The following HACD4 variants were observed in gnomAD, a reference collection of about 807,000 sequenced individuals.
HACD4 encodes 3-hydroxyacyl-CoA dehydratase 4.
In HACD4, 35 loss-of-function variants were observed where a neutral mutation model predicts 33.3. That is an observed-to-expected ratio of 1.05 (90% CI 0.80 to 1.39). The LOEUF (loss-of-function observed/expected upper bound fraction) is 1.39. Ranked by LOEUF, HACD4 falls within the 40% of genes most tolerant of loss-of-function variation. The pLI is 0.00. For missense variants in HACD4, 323 were observed against 276.5 expected (o/e 1.17, Z -1.19); for synonymous variants, 118 against 98.0 (o/e 1.20, Z -1.21).
chr9:21,022,300 C>G (rs1274809657), intron 3 of HACD4, among the ~76,000 whole-genome samples: 1 of 152,196 alleles, frequency 6.6e-6, no homozygotes, highest in Non-Finnish European at 1.5e-5. Flanking sequence ...CAATACCACT[C>G]AGGACATAGG....
In HACD4 at chr9:21,001,087, C is replaced by G. The variant is rs1842160230; in HGVS notation, c.*5950G>C. ...AAAGTATGTCCCTTTCAAATGAAAA[C>G]AAAAACAAAAACTATCTCTGAAAAA... On this transcript the variant is annotated 3_prime_UTR_variant, in exon 7 of 7. Coordinates refer to ENST00000495827, the MANE Select transcript of HACD4 (RefSeq NM_001010915.5). 6.6e-6 allele frequency: 1 copy of G among 151,756 alleles called. No homozygotes were observed. Among genetic ancestry groups the G allele is most frequent in the Non-Finnish European group, 1.5e-5 (1 of 67,872 alleles). 9.4% of individuals were successfully genotyped at this position (151,756 alleles called of 1,614,324 possible). A position where few individuals can be genotyped will look rare whatever the true frequency, so the allele number is the denominator to read the frequency against.
chr9:21,015,192 T>G (rs1842527671), intron 4 of HACD4: 1 of 152,158 alleles, frequency 6.6e-6, no homozygotes, highest in Non-Finnish European at 1.5e-5. Context: ...AATGAAAAAA[T>G]TTACATACCC....
chr9:21,024,042 T>C (rs1465876610), intron 3 of HACD4, among the ~76,000 whole-genome samples: 4 of 152,258 alleles, frequency 2.6e-5, no homozygotes, highest in Non-Finnish European at 5.9e-5. Flanking sequence ...TTTTGTTTCA[T>C]TATTTTAAAG....
rs1055958147 is a variant in HACD4, at chr9:21,005,620, T to C, written c.*1417A>G. The C allele has an allele frequency of 6.6e-6, 1 of 152,216 alleles. No individual in the cohort carries two copies. Among genetic ancestry groups the C allele is most frequent in the Admixed American group, 6.5e-5 (1 of 15,278 alleles). The allele number at this position is 152,216 out of a possible 1,614,324, so 9.4% of individuals were successfully genotyped here. A position where few individuals can be genotyped will look rare whatever the true frequency, so the allele number is the denominator to read the frequency against. ...GGAACAATGATTCAGAGAACATCAG[T>C]GGTACCTTCTCAGTTTCAAAAGGGG... On this transcript the variant is annotated 3_prime_UTR_variant, in exon 7 of 7. Transcript: ENST00000495827. This position sits in a 1 kb window ranked among gnomAD's most constrained non-coding sequence, Gnocchi z 4.0.
intron 1 of HACD4, among the ~76,000 whole-genome samples, chr9:21,030,318 C>T (rs1028685869): frequency 6.6e-6 from 1 of 150,678 alleles, no homozygotes; most frequent in African/African-American, 2.4e-5. Flanking sequence ...CCTGTAATCC[C>T]AGCTACCTAG....
At chr9:21,029,866 C>T (rs1023126368) in intron 1 of HACD4, among the ~76,000 whole-genome samples, 2 of 152,116 alleles carry the variant, frequency 1.3e-5, no homozygotes, top group African/African-American at 4.8e-5. Context: ...CCTGATGCCG[C>T]GGCCCAGCAT....
intron 4 of HACD4, 95 bp downstream of exon 4, chr9:21,015,803 T>C (rs958109737): frequency 6.0e-6 from 4 of 663,170 alleles, no homozygotes; most frequent in Non-Finnish European, 1.1e-5. Flanking sequence ...TATGTTTTCC[T>C]CTCTCGTACC....
chr9:21,021,669 A>C lies in HACD4; in HGVS notation c.270+4927T>G, dbSNP rs941723224. ...ATAAAATACCTAGGAATCCAACTTA[A>C]AAGGGATGTGAAGGACCTCTTCAAG... is the stretch of plus-strand genomic sequence containing the variant. On this transcript the variant is annotated intron_variant, in intron 3 of 6. Transcript: ENST00000495827. 7.1e-3 allele frequency among the ~76,000 whole-genome samples: 1,076 copies of C among 151,930 alleles called. 19 individuals carry two copies. The highest frequency in any genetic ancestry group is 0.024 in the African/African-American group (1,007 of 41,402).
chr9:21,008,257 G>A (rs1842320544), intron 5 of HACD4, 111 bp from the exon 6 acceptor site: 2 of 959,582 alleles, frequency 2.1e-6, no homozygotes, highest in African/African-American at 1.7e-5. Flanking sequence ...TGACAGTTTT[G>A]TAATAGTTGC....
chr9:21,007,117 T>C lies in HACD4; in HGVS notation c.619A>G (p.Met207Val). The C allele has an allele frequency of 6.8e-7, 1 of 1,466,452 alleles. No homozygotes were observed. The highest frequency in any genetic ancestry group is 9.6e-7 in the Non-Finnish European group (1 of 1,045,616). The allele number at this position is 1,466,452 out of a possible 1,614,324, so 90.8% of individuals were successfully genotyped here. Residue 207 changes from methionine to valine, a missense_variant and splice_region_variant, in exon 7 of 7, where the codon ATG becomes GTG. Transcript: ENST00000495827. ...TATAGATGACTGTAGGTAAAATACATACCTAATATGGAGAAAGAAGTTGCA... is the reference window on the plus strand; with the variant it reads ...TATAGATGACTGTAGGTAAAATACACACCTAATATGGAGAAAGAAGTTGCA... Reference protein sequence around the residue: ...KIYLMMLFIGMYFTYSHLYSE... With the variant: ...KIYLMMLFIGVYFTYSHLYSE...
At chr9:21,007,377 A>G (rs1024146998) in intron 6 of HACD4, among the ~76,000 whole-genome samples, 1 of 152,062 alleles carries the variant, frequency 6.6e-6, no homozygotes. Flanking sequence ...CTTCCTCTAA[A>G]GTTTCACATT....
intron 5 of HACD4, among the ~76,000 whole-genome samples, chr9:21,008,743 T>C (rs1474601985): frequency 1.3e-5 from 2 of 152,088 alleles, no homozygotes; most frequent in Admixed American, 6.6e-5. Flanking sequence ...TTCAGTAACA[T>C]TGTATCCCAT....
rs766487241 is a variant in HACD4, at chr9:21,026,666, A to G, written c.200T>C (p.Val67Ala). ...IGLVMRLCQS[V>A]SLLELLHIYV... ...TATGTGCAGCAGTTCCAGGAGAGATACGGATTGGCAAAGTCGCATCACAAG... is the reference window on the plus strand; with the variant it reads ...TATGTGCAGCAGTTCCAGGAGAGATGCGGATTGGCAAAGTCGCATCACAAG... The change falls in exon 3 of 7, where the codon GTA becomes GCA. Residue 67 changes from valine (V) to alanine (A), a missense_variant. Physicochemically the swap from Val to Ala is moderately conservative, Grantham distance 64. Transcript: ENST00000495827. The G allele has an allele frequency of 6.2e-7, 1 of 1,612,864 alleles. No homozygotes were observed. Among genetic ancestry groups the G allele is most frequent in the Non-Finnish European group, 8.5e-7 (1 of 1,178,812 alleles).
intron 2 of HACD4, among the ~76,000 whole-genome samples, chr9:21,027,385 A>C (rs1274129458): frequency 6.6e-6 from 1 of 152,200 alleles, no homozygotes; most frequent in Admixed American, 6.5e-5. Context: ...CATAGGATAA[A>C]TGTGTTGCTT....
rs1053086898 is a variant in HACD4 at position 21,026,683 on chromosome 9, C to A, written c.183G>T (p.Met61Ile). The change falls in exon 3 of 7, where the codon ATG becomes ATT. Residue 61 changes from methionine to isoleucine, a missense_variant. By Grantham distance (10) the Met-to-Ile change is conservative. Transcript: ENST00000495827. ...VDTFYAIGLV[M>I]RLCQSVSLLE... ...GGAGAGATACGGATTGGCAAAGTCGCATCACAAGTCCAATAGCATAAAAAG... is the reference window on the plus strand; with the variant it reads ...GGAGAGATACGGATTGGCAAAGTCGAATCACAAGTCCAATAGCATAAAAAG... 2.5e-6 allele frequency: 4 copies of A among 1,613,240 alleles called. No individual in the cohort carries two copies. The highest frequency in any genetic ancestry group is 3.4e-6 in the Non-Finnish European group (4 of 1,179,206).
chr9:21,017,642 T>C (rs1020842119), intron 3 of HACD4, among the ~76,000 whole-genome samples: 3 of 152,116 alleles, frequency 2.0e-5, no homozygotes, highest in Non-Finnish European at 4.4e-5. Flanking sequence ...GAGATACACA[T>C]ACATGAATGG....
chr9:21,015,828 T>G (rs1381161502), intron 4 of HACD4, 70 bp downstream of exon 4: 1 of 842,962 alleles, frequency 1.2e-6, no homozygotes, highest in East Asian at 2.5e-5. Flanking sequence ...AACCTCTGGT[T>G]ACTGCTAGTA....
intron 4 of HACD4, among the ~76,000 whole-genome samples, chr9:21,013,116 T>C (rs1842476906): frequency 6.6e-6 from 1 of 151,872 alleles, no homozygotes. Flanking sequence ...CCAATTTATC[T>C]TTTTTTTCTT....
chr9:21,026,581 G>A lies in HACD4; in HGVS notation c.270+15C>T, dbSNP rs375728651. 373 of 1,593,996 alleles carry A rather than the reference G, an allele frequency of 2.3e-4. No homozygotes were observed. The highest frequency in any genetic ancestry group is 3.0e-4 in the Non-Finnish European group (354 of 1,168,122). On this transcript the variant is annotated intron_variant, in intron 3 of 6. Coordinates refer to ENST00000495827, the MANE Select transcript of HACD4 (RefSeq NM_001010915.5). The stretch of plus-strand genomic sequence containing the variant: ...AATGAAACAGATTCTATAATAATAT[G>A]TGATTCAAACCTACCTGCAAAAACC...
Sources: gnomAD v4.1 joint callset for allele counts (sites outside exome capture counted in the v4.1 genomes callset) on GRCh38, gnomAD v4.1.1 for gene constraint, Gnocchi (gnomAD v3.1) non-coding constraint, MANE v1.5 for transcripts, NCBI Gene and HGNC (gene_info 2026-07-23, HGNC 2026-07-21) for gene names.